The following UGGT2 variants were observed in gnomAD, a reference collection of about 807,000 sequenced individuals.
UGGT2 encodes UDP-glucose:glycoprotein glucosyltransferase 2.
Under a neutral mutation model 192.1 loss-of-function variants are expected in UGGT2, and 180 were observed. That is an observed-to-expected ratio of 0.94 (90% CI 0.83 to 1.06). The LOEUF is 1.06. Ranked by LOEUF, UGGT2 falls within the 50% of genes least tolerant of loss-of-function variation. UGGT2 has a pLI of 0.00. For missense variants in UGGT2, 1,849 were observed against 1,795.7 expected (o/e 1.03, Z -0.54); for synonymous variants, 580 against 591.0 (o/e 0.98, Z 0.27).
chr13:95,850,245 T>C (rs1181112375), intron 36 of UGGT2, among the ~76,000 whole-genome samples: 1 of 152,168 alleles, frequency 6.6e-6, no homozygotes, highest in African/African-American at 2.4e-5. Flanking sequence ...AGTACATGAA[T>C]GTAGAAAGAA....
intron 5 of UGGT2, among the ~76,000 whole-genome samples, chr13:96,001,108 G>C (rs561573270): frequency 1.4e-4 from 21 of 152,250 alleles, no homozygotes; most frequent in African/African-American, 4.8e-4. Flanking sequence ...AGGCCTCTGA[G>C]CCCAAACCCA....
chr13:95,986,485 A>C (rs993018414), intron 8 of UGGT2, 53 bp from the exon 9 acceptor site: 2 of 1,284,094 alleles, frequency 1.6e-6, no homozygotes, highest in African/African-American at 3.0e-5. Context: ...ACCTTTATAG[A>C]CATTTCCATG....
At chr13:96,015,625 G>A (rs2052311772) in intron 4 of UGGT2, among the ~76,000 whole-genome samples, 1 of 152,118 alleles carries the variant, frequency 6.6e-6, no homozygotes, top group Non-Finnish European at 1.5e-5. Context: ...AATTGACTAA[G>A]GTGTTAAAGA....
intron 38 of UGGT2, 87 bp from the exon 39 acceptor site, chr13:95,801,899 G>A (rs1001383865): frequency 1.7e-5 from 25 of 1,480,556 alleles, no homozygotes; most frequent in South Asian, 1.6e-4. Context: ...AGGAAGCACC[G>A]GTACTGACTG....
intron 38 of UGGT2, among the ~76,000 whole-genome samples, chr13:95,824,682 T>C (rs569220686): frequency 6.6e-6 from 1 of 152,242 alleles, no homozygotes; most frequent in African/African-American, 2.4e-5. Context: ...TTCATTCATA[T>C]CCTGAATTTT....
chr13:95,853,339 G>C (rs570329485), intron 36 of UGGT2, among the ~76,000 whole-genome samples: 74 of 152,312 alleles, frequency 4.9e-4, no homozygotes, highest in Middle Eastern at 6.8e-3. Context: ...GAATGGAAAA[G>C]TGAGGATAAA....
chr13:96,047,825 G>GA (rs923788257), intron 1 of UGGT2, among the ~76,000 whole-genome samples: 4 of 152,120 alleles, frequency 2.6e-5, no homozygotes, highest in Non-Finnish European at 4.4e-5. Context: ...GGAGCAACTA[G>GA]ATTCATAAAG....
At chr13:96,044,371 G>C (rs1322640921) in intron 1 of UGGT2, among the ~76,000 whole-genome samples, 1 of 152,182 alleles carries the variant, frequency 6.6e-6, no homozygotes, top group African/African-American at 2.4e-5. Context: ...CTGCTAAGAG[G>C]AAAGTTCATA....
intron 20 of UGGT2, among the ~76,000 whole-genome samples, chr13:95,905,225 A>T: frequency 6.8e-6 from 1 of 147,682 alleles, no homozygotes; most frequent in East Asian, 2.0e-4. Flanking sequence ...GGTTGTGGAA[A>T]TTTTCTCCCA....
intron 30 of UGGT2, among the ~76,000 whole-genome samples, chr13:95,867,016 C>T (rs965794818): frequency 6.6e-5 from 10 of 152,232 alleles, no homozygotes; most frequent in African/African-American, 2.2e-4. Flanking sequence ...ACAGCACCTT[C>T]TCTTTTTAGA....
chr13:95,955,616 G>A (rs973607049), intron 12 of UGGT2, among the ~76,000 whole-genome samples: 14 of 151,778 alleles, frequency 9.2e-5, no homozygotes, highest in African/African-American at 3.1e-4. Context: ...ACAAGACACG[G>A]CCAGGAGAAA....
At chr13:95,820,168 A>AT in intron 38 of UGGT2, among the ~76,000 whole-genome samples, 1 of 151,726 alleles carries the variant, frequency 6.6e-6, no homozygotes, top group South Asian at 2.1e-4. Context: ...AAATAAATAA[A>AT]ATAAACAAGA....
chr13:95,948,913 C>T (rs1409360608), intron 13 of UGGT2, among the ~76,000 whole-genome samples: 1 of 152,094 alleles, frequency 6.6e-6, no homozygotes, highest in African/African-American at 2.4e-5. Flanking sequence ...GAGGCAGTTG[C>T]CTCTATGCTA....
intron 2 of UGGT2, among the ~76,000 whole-genome samples, chr13:96,027,754 A>C (rs886419858): frequency 6.6e-6 from 1 of 152,234 alleles, no homozygotes; most frequent in Non-Finnish European, 1.5e-5. Context: ...AATAACAGAG[A>C]TATGAAAAGC....
At chr13:95,821,962 T>C (rs1885559660) in intron 38 of UGGT2, among the ~76,000 whole-genome samples, 1 of 152,196 alleles carries the variant, frequency 6.6e-6, no homozygotes, top group Non-Finnish European at 1.5e-5. Flanking sequence ...TTGCTAACTA[T>C]AGCCTTGTAG....
At position 95,895,276 on chromosome 13, in the gene UGGT2, T is replaced by C. The variant is rs1281971695; in HGVS notation, c.2663A>G (p.Tyr888Cys). 2.0e-5 allele frequency: 31 copies of C among 1,524,752 alleles called. No individual in the cohort carries two copies. Among genetic ancestry groups the C allele is most frequent in the Non-Finnish European group, 2.8e-5 (31 of 1,122,092 alleles). The allele number at this position is 1,524,752 out of a possible 1,614,324, so 94.5% of individuals were successfully genotyped here. A position where few individuals can be genotyped will look rare whatever the true frequency, so the allele number is the denominator to read the frequency against. The change falls in exon 23 of 39, where the codon TAT (tyrosine) becomes TGT (cysteine). Residue 888 changes from tyrosine to cysteine, a missense_variant. Transcript: ENST00000376747. ...RFLGPLDEDF[Y>C]AEDFYLLEKI... ...TTCCAACAAGTAAAAATCTTCTGCA[T>C]AAAAATCTTCATCTAAAGGTCCTAA...
chr13:95,889,420 G>A (rs376751428), intron 25 of UGGT2, among the ~76,000 whole-genome samples: 5 of 151,996 alleles, frequency 3.3e-5, no homozygotes, highest in Non-Finnish European at 5.9e-5. Context: ...TTGGCAGTGC[G>A]CACTAAATTC....
At chr13:95,819,061 G>A (rs1456375936) in intron 38 of UGGT2, among the ~76,000 whole-genome samples, 1 of 152,012 alleles carries the variant, frequency 6.6e-6, no homozygotes, top group Admixed American at 6.6e-5. Context: ...TAAAAAATAG[G>A]CTAACATTCA....
At chr13:95,955,728 A>C (rs1256413737) in intron 12 of UGGT2, among the ~76,000 whole-genome samples, 3 of 152,128 alleles carry the variant, frequency 2.0e-5, no homozygotes, top group Non-Finnish European at 2.9e-5. Context: ...TTCAGTTTTC[A>C]AAGCGCTCAA....
Sources: gnomAD v4.1 joint callset for allele counts (sites outside exome capture counted in the v4.1 genomes callset) on GRCh38, gnomAD v4.1.1 for gene constraint, MANE v1.5 for transcripts, NCBI Gene and HGNC (gene_info 2026-07-23, HGNC 2026-07-21) for gene names.